The following CHRNA4 variants were observed in gnomAD, a reference collection of about 807,000 sequenced individuals.
CHRNA4 encodes neuronal acetylcholine receptor subunit alpha-4.
CHRNA4 carries 28 observed loss-of-function variants against 48.9 expected under a neutral mutation model. That is an observed-to-expected ratio of 0.57 (90% CI 0.42 to 0.79). The LOEUF (loss-of-function observed/expected upper bound fraction) is 0.79, where lower values mean the gene tolerates loss of function less well. Among genes scored for constraint, CHRNA4 ranks in the 30% least tolerant of loss-of-function variants. The pLI, the probability that CHRNA4 is intolerant of heterozygous loss-of-function variation, is 0.00. For synonymous variants in CHRNA4, 425 were observed against 402.3 expected, an observed-to-expected ratio of 1.06 and a Z score of -0.68; for missense variants, 859 against 898.4, an observed-to-expected ratio of 0.96 and a Z score of 0.56.
rs201018244 is a variant in CHRNA4 at position 63,359,578 on chromosome 20, G to C, written c.198C>G (p.Phe66Leu). Residue 66 changes from phenylalanine to leucine, a missense_variant, in exon 2 of 6, where the codon TTC (phenylalanine) becomes TTG (leucine). By Grantham distance (22) the Phe-to-Leu change is conservative. Transcript: ENST00000370263. ...CAATGAGCTGAGCGATGGACAGGCC[G>C]AAGCGGACGAGGACCACGTCCGAGA... is the stretch of plus-strand genomic sequence containing the variant. The part of the protein sequence containing the change: ...ANISDVVLVR[F>L]GLSIAQLIDV... 1.7e-5 allele frequency: 28 copies of C among 1,612,734 alleles called. No homozygotes were observed. The highest frequency in any genetic ancestry group is 2.2e-5 in the Non-Finnish European group (26 of 1,179,936).
chr20:63,349,860 C>G lies in CHRNA4; in HGVS notation c.1551G>C (p.Ser517=). The change falls in exon 5 of 6, where the codon TCG becomes TCC. Residue 517 remains serine (S), a synonymous_variant. Coordinates refer to ENST00000370263, the MANE Select transcript of CHRNA4 (RefSeq NM_000744.7). ...AGALASRNTH[S]AELPPPDQPS... ...GCTGGTCTGGGGGTGGGAGCTCAGCCGAGTGGGTGTTGCGAGAGGCCAGGG... is the reference window on the plus strand; with the variant it reads ...GCTGGTCTGGGGGTGGGAGCTCAGCGGAGTGGGTGTTGCGAGAGGCCAGGG... 2 of 1,594,578 alleles carry G rather than the reference C, an allele frequency of 1.3e-6. No individual in the cohort carries two copies. The highest frequency in any genetic ancestry group is 1.7e-6 in the Non-Finnish European group (2 of 1,168,666).
chr20:63,350,682 C>A lies in CHRNA4; in HGVS notation c.729G>T (p.Pro243=). ...TGATGAGGTTGATGGTGTAGAAGAG[C>A]GGCAGCCGCCGGATGACGAAGGCAT... is the stretch of plus-strand genomic sequence containing the variant. ...ITYAFVIRRL[P]LFYTINLIIP... is the part of the protein sequence containing the mutation. Residue 243 remains proline (P), a synonymous_variant, in exon 5 of 6, where the codon CCG becomes CCT. Coordinates refer to ENST00000370263, the MANE Select transcript of CHRNA4 (RefSeq NM_000744.7). 6.2e-7 allele frequency: 1 copy of A among 1,613,758 alleles called. No homozygotes were observed. Among genetic ancestry groups the A allele is most frequent in the Non-Finnish European group, 8.5e-7 (1 of 1,179,948 alleles).
intron 4 of CHRNA4, 58 bp downstream of exon 4, chr20:63,355,917 C>G: frequency 6.3e-7 from 1 of 1,593,638 alleles, no homozygotes; most frequent in South Asian, 1.1e-5. Context: ...GGGGCAGGCC[C>G]TGGCCACTCC....
chr20:63,361,282 GC>G lies in CHRNA4; in HGVS notation c.-118del. On this transcript the variant is annotated 5_prime_UTR_variant, in exon 1 of 6. Coordinates refer to ENST00000370263, the MANE Select transcript of CHRNA4 (RefSeq NM_000744.7). ...CCTCGCGGGCCGCTTCGGCCGCCGG[GC>G]CCGGTTCGTCTTCTCCTGTGGGGCG... The G allele has an allele frequency of 2.2e-6, 3 of 1,369,004 alleles. No homozygotes were observed. The highest frequency in any genetic ancestry group is 2.8e-6 in the Non-Finnish European group (3 of 1,062,194). 84.8% of individuals were successfully genotyped at this position (1,369,004 alleles called of 1,614,324 possible).
chr20:63,361,281 G>T lies in CHRNA4; in HGVS notation c.-116C>A, dbSNP rs1399037630. 4.4e-6 allele frequency: 6 copies of T among 1,369,812 alleles called. No individual in the cohort carries two copies. In the Admixed American group the frequency reaches 1.9e-4, roughly 44 times the overall value. 84.9% of individuals were successfully genotyped at this position (1,369,812 alleles called of 1,614,324 possible). On this transcript the variant is annotated 5_prime_UTR_variant, in exon 1 of 6. Coordinates refer to ENST00000370263, the MANE Select transcript of CHRNA4 (RefSeq NM_000744.7). ...GCCTCGCGGGCCGCTTCGGCCGCCG[G>T]GCCCGGTTCGTCTTCTCCTGTGGGG...
intron 3 of CHRNA4, 104 bp downstream of exon 3, chr20:63,356,267 C>T (rs1304928228): frequency 1.1e-5 from 6 of 556,218 alleles, no homozygotes; most frequent in Non-Finnish European, 1.6e-5. Flanking sequence ...TGAGGGAGGG[C>T]AGGGGTGGGG....
rs201376529 is a variant in CHRNA4, at chr20:63,351,010, G to T, written c.401C>A (p.Ala134Glu). ...GTGGGCCTTGGTCAGGTGGGTGACC[G>T]CGAAGTCCCCGTCAGCACTGGGCAG... ...VLYNNADGDF[A>E]VTHLTKAHLF... is the part of the protein sequence containing the mutation. The change falls in exon 5 of 6, where the codon GCG becomes GAG. Residue 134 changes from alanine (A) to glutamate (E), a missense_variant. Physicochemically the swap from Ala to Glu is moderately radical, Grantham distance 107. This residue lies in a region of CHRNA4 where 342 missense variants were observed against 365.3 expected (regional missense o/e 0.94). Transcript: ENST00000370263. The T allele has an allele frequency of 1.9e-6, 3 of 1,612,646 alleles. No homozygotes were observed. Among genetic ancestry groups the T allele is most frequent in the Non-Finnish European group, 2.5e-6 (3 of 1,179,800 alleles).
At position 63,344,642 on chromosome 20, in the gene CHRNA4, A is replaced by G. The variant is rs1271708289; in HGVS notation, c.*2096T>C. 3 of 453,736 alleles carry G rather than the reference A, an allele frequency of 6.6e-6. No individual in the cohort carries two copies. Among genetic ancestry groups the G allele is most frequent in the Admixed American group, 4.7e-5 (2 of 42,532 alleles). 28.1% of individuals were successfully genotyped at this position (453,736 alleles called of 1,614,324 possible). ...ACAGCTGGGCCCAGCACCCCGGGCC[A>G]CTCCCTGCAGCTGCCCACACATCTG... On this transcript the variant is annotated 3_prime_UTR_variant, in exon 6 of 6. Transcript: ENST00000370263. This position sits in a 1 kb window ranked among gnomAD's most constrained non-coding sequence, Gnocchi z 4.5.
rs771042339 is a variant in CHRNA4, at chr20:63,346,800, T to C, written c.1822A>G (p.Ile608Val). The change falls in exon 6 of 6, where the codon ATC (isoleucine) becomes GTC (valine). Residue 608 changes from isoleucine (I) to valine (V), a missense_variant. Physicochemically the swap from Ile to Val is conservative, Grantham distance 29. Coordinates refer to ENST00000370263, the MANE Select transcript of CHRNA4 (RefSeq NM_000744.7). ...IDRIFLWMFI[I>V]VCLLGTVGLF... ...CCCACCGTCCCCAGCAGGCAGACGA[T>C]GATGAACATCCAGAGGAAGATGCGG... is the stretch of plus-strand genomic sequence containing the variant. 2.5e-6 allele frequency: 4 copies of C among 1,612,544 alleles called. No individual in the cohort carries two copies. The East Asian group carries it at 6.7e-5, about 27-fold the overall frequency.
intron 2 of CHRNA4, 116 bp downstream of exon 2, chr20:63,359,432 G>A (rs555568547): frequency 2.5e-5 from 34 of 1,349,990 alleles, no homozygotes; most frequent in South Asian, 9.7e-5. Flanking sequence ...AGCCCGGGCC[G>A]GACACTCACA....
chr20:63,359,045 G>GGA (rs11472833), intron 2 of CHRNA4, among the ~76,000 whole-genome samples: 152,260 of 152,270 alleles, frequency 1, 76,125 homozygotes, highest in Middle Eastern at 1. Context: ...CCACCAGAAA[G>GGA]AACATATCTT....
At chr20:63,358,823 G>C (rs2068756989) in intron 2 of CHRNA4, among the ~76,000 whole-genome samples, 1 of 152,098 alleles carries the variant, frequency 6.6e-6, no homozygotes, top group African/African-American at 2.4e-5. Context: ...GGCCCCTCCA[G>C]GGCCGCCGAG....
chr20:63,356,605 C>G (rs1426320670), intron 2 of CHRNA4, 190 bp from the exon 3 acceptor site: 17 of 643,364 alleles, frequency 2.6e-5, no homozygotes, highest in Non-Finnish European at 3.6e-5. Flanking sequence ...CTGAGGGGAC[C>G]TAGGGATGTG....
At chr20:63,353,561 T>C (rs1417967066) in intron 4 of CHRNA4, among the ~76,000 whole-genome samples, 1 of 40,494 alleles carries the variant, frequency 2.5e-5, no homozygotes, top group South Asian at 1.2e-3. Flanking sequence ...GGAGGGGCTG[T>C]GGTCCTGGGG....
intron 5 of CHRNA4, among the ~76,000 whole-genome samples, chr20:63,349,374 C>T (rs1341314277): frequency 1.3e-5 from 2 of 152,204 alleles, no homozygotes; most frequent in South Asian, 2.1e-4. Flanking sequence ...GGCCCCTCAC[C>T]GTGCCGTCCG....
intron 2 of CHRNA4, among the ~76,000 whole-genome samples, chr20:63,358,495 G>A (rs1331705434): frequency 6.6e-6 from 1 of 152,228 alleles, no homozygotes; most frequent in Non-Finnish European, 1.5e-5. Context: ...TGTGGGCTGG[G>A]CCTCTACAGC....
At position 63,351,235 on chromosome 20, in the gene CHRNA4, C is replaced by CCCACGTCCACATCCACGT. The variant is rs2068608031; in HGVS notation, c.384-209_384-208insACGTGGATGTGGACGTGG. On this transcript the variant is annotated intron_variant, in intron 4 of 5. Coordinates refer to ENST00000370263, the MANE Select transcript of CHRNA4 (RefSeq NM_000744.7). ...GTCCACGTCCACGCCCACATCCACA[C>CCCACGTCCACATCCACGT]CCACGTCCACGTCCACGTCCACGTC... 2.1e-5 allele frequency: 8 copies of CCCACGTCCACATCCACGT among 378,808 alleles called. No individual in the cohort carries two copies. The African/African-American group carries it at 2.7e-4, about 13-fold the overall frequency. The allele number at this position is 378,808 out of a possible 1,614,324, so 23.5% of individuals were successfully genotyped here.
At chr20:63,357,118 G>A (rs1169419328) in intron 2 of CHRNA4, among the ~76,000 whole-genome samples, 4 of 128,972 alleles carry the variant, frequency 3.1e-5, no homozygotes, top group Non-Finnish European at 6.6e-5. Context: ...ATTCCCACAG[G>A]ACCACGTCTC....
At position 63,349,935 on chromosome 20, in the gene CHRNA4, A is replaced by G; in HGVS notation, c.1476T>C (p.Cys492=). The change falls in exon 5 of 6, where the codon TGT becomes TGC. Residue 492 remains cysteine, a synonymous_variant. Transcript: ENST00000370263. The stretch of plus-strand genomic sequence containing the variant: ...CGGGGGCGGCATCGTCTCGGGGAAC[A>G]CAGTACTGGATGCTCCGAGACCGGC... The part of the protein sequence containing the change: ...VRCRSRSIQY[C]VPRDDAAPEA... 1 of 1,589,868 alleles carries G rather than the reference A, an allele frequency of 6.3e-7. No homozygotes were observed. Among genetic ancestry groups the G allele is most frequent in the East Asian group, 2.3e-5 (1 of 44,018 alleles).
Sources: allele counts gnomAD v4.1 joint callset (sites outside exome capture counted in the v4.1 genomes callset), GRCh38; gene constraint gnomAD v4.1.1; regional missense constraint gnomAD v4.1.1; non-coding constraint Gnocchi (gnomAD v3.1); transcripts MANE v1.5; gene names NCBI Gene and HGNC (gene_info 2026-07-23, HGNC 2026-07-21).